The following TBC1D14 variants were observed in gnomAD, a reference collection of about 807,000 sequenced individuals.
The protein encoded by TBC1D14 is TBC1 domain family member 14, also known as TBC1 domain family, member 14.
A neutral mutation model predicts 79.0 loss-of-function variants in TBC1D14; 26 were observed. The observed-to-expected ratio is 0.33, with a 90% confidence interval of 0.24 to 0.46. The LOEUF (loss-of-function observed/expected upper bound fraction) is 0.46, where lower values mean the gene tolerates loss of function less well. TBC1D14 is among the 20% of genes least tolerant of loss of function. The pLI, the probability that TBC1D14 is intolerant of heterozygous loss-of-function variation, is 1.00. For missense variants in TBC1D14, 769 were observed against 887.6 expected, an observed-to-expected ratio of 0.87 and a Z score of 1.70; for synonymous variants, 394 against 349.9, an observed-to-expected ratio of 1.13 and a Z score of -1.40.
intron 3 of TBC1D14, among the ~76,000 whole-genome samples, chr4:6,969,908 G>T (rs879491472): frequency 6.6e-6 from 1 of 152,180 alleles, no homozygotes; most frequent in Non-Finnish European, 1.5e-5. Flanking sequence ...GGACCTGCTT[G>T]CTTGTCTCTG....
At chr4:6,972,090 G>A (rs1716274730) in intron 3 of TBC1D14, among the ~76,000 whole-genome samples, 1 of 152,196 alleles carries the variant, frequency 6.6e-6, no homozygotes, top group South Asian at 2.1e-4. Flanking sequence ...CCTTTGCCTT[G>A]TGAGTAAAGG....
chr4:6,946,338 T>G (rs1713460806), intron 2 of TBC1D14, among the ~76,000 whole-genome samples: 1 of 152,128 alleles, frequency 6.6e-6, no homozygotes, highest in African/African-American at 2.4e-5. Flanking sequence ...TTACTTGTAT[T>G]ATTATTATTT....
chr4:6,996,856 A>G (rs1018477536), intron 5 of TBC1D14, among the ~76,000 whole-genome samples: 3 of 152,266 alleles, frequency 2.0e-5, no homozygotes, highest in Non-Finnish European at 4.4e-5. Flanking sequence ...ACTGTGTAAG[A>G]TAGAAATACT....
In TBC1D14 at chr4:6,978,217, G is replaced by A. The variant is rs1251847050; in HGVS notation, c.843+10793G>A. 2.6e-4 allele frequency among the ~76,000 whole-genome samples: 39 copies of A among 151,864 alleles called. No homozygotes were observed. The South Asian group carries it at 7.9e-3, about 31-fold the overall frequency. ...GGGAAGTGAGGAGCCCCTCTGCCCG[G>A]CCACCACCCCGTCTGGGAGGTGTAC... On this transcript the variant is annotated intron_variant, in intron 3 of 13. Transcript: ENST00000409757.
chr4:6,923,472 A>T lies in TBC1D14; in HGVS notation c.83A>T (p.Gln28Leu). The T allele has an allele frequency of 6.2e-7, 1 of 1,614,214 alleles. No individual in the cohort carries two copies. Among genetic ancestry groups the T allele is most frequent in the Non-Finnish European group, 8.5e-7 (1 of 1,180,046 alleles). Reference sequence around the variant, plus strand: ...GATGGTCGACCAGGAAACCCCCTTCAGAACCTGCAACACGTCAATCTCAAG... The same window carrying T: ...GATGGTCGACCAGGAAACCCCCTTCTGAACCTGCAACACGTCAATCTCAAG... Reference protein sequence around the residue: ...ILDGRPGNPLQNLQHVNLKAP... With the variant: ...ILDGRPGNPLLNLQHVNLKAP... Residue 28 changes from glutamine to leucine, a missense_variant, in exon 2 of 14, where the codon CAG (glutamine) becomes CTG (leucine). Gln to Leu is a moderately radical substitution (Grantham distance 113). Around this residue, in one of 2 missense-constraint regions of TBC1D14, gnomAD observed 402 missense variants for 393.2 expected, o/e 1.02. Transcript: ENST00000409757.
chr4:7,004,174 G>A (rs1486816485), intron 7 of TBC1D14, among the ~76,000 whole-genome samples: 1 of 152,204 alleles, frequency 6.6e-6, no homozygotes, highest in Non-Finnish European at 1.5e-5. Context: ...TAGTGAAGTC[G>A]TGTTGTTTAA....
At chr4:7,000,893 G>A (rs1469326016) in intron 6 of TBC1D14, among the ~76,000 whole-genome samples, 1 of 152,208 alleles carries the variant, frequency 6.6e-6, no homozygotes, top group African/African-American at 2.4e-5. Context: ...TGGCCCCAGA[G>A]CGTGCCTGGG....
chr4:6,946,349 T>C (rs920385463), intron 2 of TBC1D14, among the ~76,000 whole-genome samples: 2 of 152,176 alleles, frequency 1.3e-5, no homozygotes, highest in African/African-American at 4.8e-5. Flanking sequence ...ATTATTATTT[T>C]TGAGACAGAG....
At chr4:7,025,592 T>TA (rs1208260746) in intron 13 of TBC1D14, among the ~76,000 whole-genome samples, 4 of 152,182 alleles carry the variant, frequency 2.6e-5, no homozygotes, top group Admixed American at 1.3e-4. Context: ...CCCCCCTTTT[T>TA]AAAAAAAATA....
Position 7,025,158 on chromosome 4 carries a change from A to T in TBC1D14, c.1912A>T (p.Met638Leu), listed in dbSNP as rs201390714. The stretch of plus-strand genomic sequence containing the variant: ...CCTGACCAAGATGGACTTCATTCAC[A>T]TGGCCCAGTTCCTGACCCGGCTGCC... ...DILTKMDFIH[M>L]AQFLTRLPED... The change falls in exon 13 of 14, where the codon ATG (methionine) becomes TTG (leucine). Residue 638 changes from methionine to leucine, a missense_variant. Physicochemically the swap from Met to Leu is conservative, Grantham distance 15 (BLOSUM62 2). Coordinates refer to ENST00000409757, the MANE Select transcript of TBC1D14 (RefSeq NM_020773.3). The T allele has an allele frequency of 6.2e-7, 1 of 1,614,180 alleles. No homozygotes were observed. Among genetic ancestry groups the T allele is most frequent in the East Asian group, 2.2e-5 (1 of 44,886 alleles).
intron 4 of TBC1D14, 129 bp from the exon 5 acceptor site, chr4:6,996,196 T>G: frequency 1.4e-6 from 1 of 698,642 alleles, no homozygotes; most frequent in East Asian, 2.8e-5. Context: ...GAAAGAACTG[T>G]GTAATCTTAA....
Position 6,996,088 on chromosome 4 carries a change from G to A in TBC1D14, c.963-237G>A, listed in dbSNP as rs1007643917. The stretch of plus-strand genomic sequence containing the variant: ...CCTGACCTCGTGATCCGCCTGCCTC[G>A]GCCTCCCAAAGTGCTGGGATTGCAG... On this transcript the variant is annotated intron_variant, in intron 4 of 13. Transcript: ENST00000409757. Among the ~76,000 whole-genome samples the A allele has an allele frequency of 1.1e-4, 17 of 152,112 alleles. No individual in the cohort carries two copies. The South Asian group carries it at 2.1e-3, about 19-fold the overall frequency.
chr4:6,973,357 T>C (rs974113381), intron 3 of TBC1D14, among the ~76,000 whole-genome samples: 4 of 151,954 alleles, frequency 2.6e-5, no homozygotes, highest in Middle Eastern at 3.4e-3. Flanking sequence ...GTGGAAGTAA[T>C]TGGCTGCTGG....
chr4:6,977,334 G>A (rs1369886598), intron 3 of TBC1D14, among the ~76,000 whole-genome samples: 10 of 147,224 alleles, frequency 6.8e-5, no homozygotes, highest in Non-Finnish European at 1.1e-4. Context: ...TGTTGGCCGG[G>A]CTGGTCTCCA....
At chr4:6,963,316 G>A (rs562068071) in intron 2 of TBC1D14, among the ~76,000 whole-genome samples, 1 of 152,386 alleles carries the variant, frequency 6.6e-6, no homozygotes, top group South Asian at 2.1e-4. Context: ...AGGTCAAAGG[G>A]TGGGCTGACT....
At chr4:6,932,109 C>T (rs1560255127) in intron 2 of TBC1D14, among the ~76,000 whole-genome samples, 1 of 152,090 alleles carries the variant, frequency 6.6e-6, no homozygotes, top group Non-Finnish European at 1.5e-5. Flanking sequence ...CCTGTAATCC[C>T]AGCACTTCGG....
chr4:6,994,105 C>G, intron 3 of TBC1D14, 79 bp from the exon 4 acceptor site: 1 of 1,281,856 alleles, frequency 7.8e-7, no homozygotes, highest in South Asian at 1.2e-5. Context: ...AGTTTCATGA[C>G]AAAACAACTT....
intron 3 of TBC1D14, among the ~76,000 whole-genome samples, chr4:6,980,123 A>C (rs1387113045): frequency 1.3e-5 from 2 of 152,240 alleles, no homozygotes; most frequent in Non-Finnish European, 2.9e-5. Context: ...ATGTACATGG[A>C]ACATTCACCA....
chr4:6,967,196 C>G, intron 2 of TBC1D14, 108 bp from the exon 3 acceptor site: 1 of 1,366,982 alleles, frequency 7.3e-7, no homozygotes, highest in Non-Finnish European at 1.0e-6. Flanking sequence ...AATTAAAGTA[C>G]GTGGTTCTCA....
Sources: allele counts gnomAD v4.1 joint callset (sites outside exome capture counted in the v4.1 genomes callset), GRCh38; gene constraint gnomAD v4.1.1; regional missense constraint gnomAD v4.1.1; transcripts MANE v1.5; gene names NCBI Gene and HGNC (gene_info 2026-07-23, HGNC 2026-07-21).